Variants in ACSM2B observed in about 807,000 individuals in gnomAD.
ACSM2B encodes acyl-CoA synthetase medium chain family member 2B.
In ACSM2B, 58 loss-of-function variants were observed where a neutral mutation model predicts 78.6. The observed-to-expected ratio is 0.74, with a 90% CI of 0.60 to 0.92. ACSM2B has a LOEUF of 0.92. Ranked by LOEUF, ACSM2B falls within the 40% of genes least tolerant of loss-of-function variation. The probability of loss-of-function intolerance (pLI) is 0.00; values close to 1 mark genes in which losing one functional copy is unlikely to be tolerated. For missense variants in ACSM2B, 688 were observed against 711.2 expected, an observed-to-expected ratio of 0.97 and a Z score of 0.37; for synonymous variants, 257 against 256.8, an observed-to-expected ratio of 1.00 and a Z score of -0.01.
chr16:20,539,670 C>T (rs575171235), intron 13 of ACSM2B, among the ~76,000 whole-genome samples: 87 of 151,774 alleles, frequency 5.7e-4, no homozygotes, highest in Non-Finnish European at 9.9e-4. Flanking sequence ...GTGACATTGG[C>T]CTGGCTACAG....
chr16:20,560,884 G>A (rs142719154), intron 2 of ACSM2B, among the ~76,000 whole-genome samples: 6 of 152,136 alleles, frequency 3.9e-5, no homozygotes, highest in South Asian at 2.1e-4. Context: ...GGAACTTTTC[G>A]GGAACTGAAG....
Position 20,546,473 on chromosome 16 carries a change from C to A in ACSM2B, c.1100G>T (p.Gly367Val). ...IREFYGQTET[G>V]LTCMVSKTMK... The stretch of plus-strand genomic sequence containing the variant: ...TGTCTTGGAAACCATGCAAGTTAAT[C>A]CCTGTGGAAAGAAGCAGACAGATCA... Residue 367 changes from glycine to valine, a missense_variant and splice_region_variant, in exon 9 of 14, where the codon GGA becomes GTA. By Grantham distance (109) the Gly-to-Val change is moderately radical. Coordinates refer to ENST00000329697, the MANE Select transcript of ACSM2B (RefSeq NM_001105069.2). 1 of 1,599,558 alleles carries A rather than the reference C, an allele frequency of 6.3e-7. No individual in the cohort carries two copies. The highest frequency in any genetic ancestry group is 8.5e-7 in the Non-Finnish European group (1 of 1,173,594).
intron 9 of ACSM2B, among the ~76,000 whole-genome samples, chr16:20,546,145 C>T (rs2015134863): frequency 6.6e-6 from 1 of 152,130 alleles, no homozygotes; most frequent in African/African-American, 2.4e-5. Context: ...TACTTGTATA[C>T]TGTCTAGCTA....
Position 20,564,407 on chromosome 16 carries a change from A to T in ACSM2B, c.177+262T>A, listed in dbSNP as rs1056862755. On this transcript the variant is annotated intron_variant, in intron 2 of 13. Transcript: ENST00000329697. ...TGGGAGGTCACAACAGAGCATGTGC[A>T]GTCTACATACAGTGTAAACAAACTG... Among the ~76,000 whole-genome samples the T allele has an allele frequency of 9.2e-5, 14 of 152,246 alleles. No homozygotes were observed. In the East Asian group the frequency reaches 1.2e-3, roughly 13 times the overall value.
chr16:20,541,519 C>A (rs1448137506), intron 12 of ACSM2B, among the ~76,000 whole-genome samples: 9 of 152,034 alleles, frequency 5.9e-5, no homozygotes, highest in African/African-American at 1.7e-4. Context: ...TCAAATCCCT[C>A]CTCTGTGCTT....
chr16:20,538,403 A>C (rs1021784391), intron 13 of ACSM2B, among the ~76,000 whole-genome samples: 1 of 152,196 alleles, frequency 6.6e-6, no homozygotes, highest in Non-Finnish European at 1.5e-5. Context: ...TGCCTGGGCA[A>C]AGTTGAGTAG....
At chr16:20,542,859 T>C (rs2015034380) in intron 12 of ACSM2B, 55 bp downstream of exon 12, 1 of 1,606,314 alleles carries the variant, frequency 6.2e-7, no homozygotes, top group Non-Finnish European at 8.5e-7. Flanking sequence ...ACCATCATAC[T>C]ACACTGCCCT....
chr16:20,559,403 C>T lies in ACSM2B; in HGVS notation c.222G>A (p.Gly74=). The change falls in exon 3 of 14, where the codon GGG becomes GGA. Residue 74 remains glycine (G), a synonymous_variant. Coordinates refer to ENST00000329697, the MANE Select transcript of ACSM2B (RefSeq NM_001105069.2). Reference sequence around the variant, plus strand: ...AATTCCACATTAATTCCTTCCCCTTCCCATTCACCCACCACAGGGCTGGGC... The same window carrying T: ...AATTCCACATTAATTCCTTCCCCTTTCCATTCACCCACCACAGGGCTGGGC... ...LPSPALWWVN[G]KGKELMWNFR... The T allele has an allele frequency of 3.1e-6, 5 of 1,613,184 alleles. No individual in the cohort carries two copies. The highest frequency in any genetic ancestry group is 4.2e-6 in the Non-Finnish European group (5 of 1,179,570).
intron 2 of ACSM2B, among the ~76,000 whole-genome samples, chr16:20,560,616 T>C (rs1297321304): frequency 6.6e-6 from 1 of 152,034 alleles, no homozygotes; most frequent in African/African-American, 2.4e-5. Flanking sequence ...AGGTATTCCT[T>C]TACAGCAACA....
intron 1 of ACSM2B, among the ~76,000 whole-genome samples, chr16:20,568,947 T>C (rs1402008303): frequency 6.6e-6 from 1 of 151,974 alleles, no homozygotes; most frequent in Non-Finnish European, 1.5e-5. Flanking sequence ...GAGTTCCTTC[T>C]AGATTCTGAA....
intron 3 of ACSM2B, among the ~76,000 whole-genome samples, chr16:20,558,690 C>T (rs1449192828): frequency 9.2e-5 from 14 of 152,170 alleles, no homozygotes; most frequent in Admixed American, 6.5e-4. Flanking sequence ...TTTAGAAAAG[C>T]ATTGGCAAAC....
intron 3 of ACSM2B, 132 bp downstream of exon 3, chr16:20,559,105 G>A: frequency 1.4e-6 from 2 of 1,442,766 alleles, no homozygotes; most frequent in Non-Finnish European, 1.8e-6. Context: ...GCAGGGAGAA[G>A]TCTTTCTTCA....
intron 1 of ACSM2B, among the ~76,000 whole-genome samples, chr16:20,571,159 T>C (rs1401745568): frequency 6.6e-6 from 1 of 151,980 alleles, no homozygotes; most frequent in Non-Finnish European, 1.5e-5. Flanking sequence ...GGTGTGGCCT[T>C]AGATTGTCTA....
At position 20,566,738 on chromosome 16, in the gene ACSM2B, ATACT is replaced by A. The variant is rs1443259873; in HGVS notation, c.-8-1889_-8-1886del. ...ATATAGTATATACTATATATAGTAT[ATACT>A]ATATATACTATATATAGTATATATA... On this transcript the variant is annotated intron_variant, in intron 1 of 13. Coordinates refer to ENST00000329697, the MANE Select transcript of ACSM2B (RefSeq NM_001105069.2). Among the ~76,000 whole-genome samples the A allele has an allele frequency of 4.1e-5, 2 of 49,178 alleles. 1 individual carries two copies. Among genetic ancestry groups the A allele is most frequent in the African/African-American group, 1.9e-4 (2 of 10,600 alleles). The allele number at this position is 49,178 out of a possible 152,430, so 32.3% of individuals were successfully genotyped here. A position where few individuals can be genotyped will look rare whatever the true frequency, so the allele number is the denominator to read the frequency against.
intron 12 of ACSM2B, 75 bp from the exon 13 acceptor site, chr16:20,540,848 A>G (rs1296296639): frequency 7.0e-6 from 11 of 1,566,454 alleles, no homozygotes; most frequent in Non-Finnish European, 9.6e-6. Context: ...TGAAATTAGC[A>G]TTAAGACTTG....
intron 8 of ACSM2B, chr16:20,547,421 G>C (rs1456966781): frequency 1.0e-6 from 1 of 985,048 alleles, no homozygotes; most frequent in East Asian, 1.1e-4. Flanking sequence ...CAGGGTAAGA[G>C]AGTGGAGAGG....
chr16:20,542,883 G>C, intron 12 of ACSM2B, 31 bp downstream of exon 12: 4 of 1,612,018 alleles, frequency 2.5e-6, no homozygotes, highest in African/African-American at 2.7e-5. Context: ...GTTCATATCT[G>C]TTCACCCCCA....
chr16:20,567,855 T>C (rs1439859345), intron 1 of ACSM2B, among the ~76,000 whole-genome samples: 1 of 142,458 alleles, frequency 7.0e-6, no homozygotes, highest in Non-Finnish European at 1.5e-5. Flanking sequence ...ATATATTTTA[T>C]ATATTATATA....
In ACSM2B at chr16:20,562,983, A is replaced by G. The variant is rs2015709380; in HGVS notation, c.177+1686T>C. ...AACTCAGCACTTGAAGACATTTCTC[A>G]CATCTCTATAATTCCATTCCCAACC... On this transcript the variant is annotated intron_variant, in intron 2 of 13. Coordinates refer to ENST00000329697, the MANE Select transcript of ACSM2B (RefSeq NM_001105069.2). Among the ~76,000 whole-genome samples the G allele has an allele frequency of 3.3e-5, 5 of 152,220 alleles. No individual in the cohort carries two copies. The South Asian group carries it at 1.0e-3, about 32-fold the overall frequency.
Sources: allele counts gnomAD v4.1 joint callset (sites outside exome capture counted in the v4.1 genomes callset), GRCh38; gene constraint gnomAD v4.1.1; transcripts MANE v1.5; gene names NCBI Gene and HGNC (gene_info 2026-07-23, HGNC 2026-07-21).